The following LIMD1 variants were observed in gnomAD, a reference collection of about 807,000 sequenced individuals.
The protein encoded by LIMD1 is LIM domain containing 1.
In LIMD1, 23 loss-of-function variants were observed where a neutral mutation model predicts 58.4. That is an observed-to-expected ratio of 0.39 (90% CI 0.28 to 0.56). LIMD1 has a LOEUF of 0.56. Among genes scored for constraint, LIMD1 ranks in the 20% least tolerant of loss-of-function variants. LIMD1 has a pLI of 0.57. For missense variants in LIMD1, 838 were observed against 855.5 expected (o/e 0.98, Z 0.25); for synonymous variants, 334 against 345.5 (o/e 0.97, Z 0.37).
rs1697619695 is a variant in LIMD1 at position 45,673,374 on chromosome 3, A to T, written c.1773-80A>T. On this transcript the variant is annotated intron_variant, in intron 5 of 7. Coordinates refer to ENST00000273317, the MANE Select transcript of LIMD1 (RefSeq NM_014240.3). ...AGGAGGCGGCATGGAGGAAGGCTCC[A>T]TGTGGATTCCAAGTGCAAGTCTGAC... The T allele has an allele frequency of 3.7e-6, 4 of 1,094,642 alleles. No homozygotes were observed. In the South Asian group the frequency reaches 3.7e-5, roughly 10 times the overall value. The allele number at this position is 1,094,642 out of a possible 1,614,324, so 67.8% of individuals were successfully genotyped here. A position where few individuals can be genotyped will look rare whatever the true frequency, so the allele number is the denominator to read the frequency against.
At chr3:45,605,842 C>A (rs1701463248) in intron 1 of LIMD1, among the ~76,000 whole-genome samples, 1 of 152,198 alleles carries the variant, frequency 6.6e-6, no homozygotes, top group Admixed American at 6.5e-5. Flanking sequence ...TCTCCGTGGG[C>A]TCCTGTGGCG....
rs56711723 is a variant in LIMD1, at chr3:45,628,007, C to CAAAA, written c.1409-8134_1409-8131dup. ...TGGGTGACAGAGTGAGACCCCATCT[C>CAAAA]AAAAAAAAAAAAGAAAAAAGAATAT... On this transcript the variant is annotated intron_variant, in intron 1 of 7. Transcript: ENST00000273317. Among the ~76,000 whole-genome samples, 8 of 111,608 alleles carry CAAAA rather than the reference C, an allele frequency of 7.2e-5. 1 individual carries two copies. Among genetic ancestry groups the CAAAA allele is most frequent in the Admixed American group, 8.9e-5 (1 of 11,286 alleles). 73.2% of individuals were successfully genotyped at this position (111,608 alleles called of 152,430 possible).
At chr3:45,660,923 G>A (rs111921445) in intron 2 of LIMD1, among the ~76,000 whole-genome samples, 41 of 152,200 alleles carry the variant, frequency 2.7e-4, no homozygotes, top group African/African-American at 9.7e-4. Context: ...TTCCATGGCT[G>A]TCAAGGGGGT....
At chr3:45,649,804 A>G (rs1258379310) in intron 2 of LIMD1, among the ~76,000 whole-genome samples, 1 of 144,422 alleles carries the variant, frequency 6.9e-6, no homozygotes, top group Non-Finnish European at 1.5e-5. Flanking sequence ...TGCTGGATAT[A>G]GAATTCTAGC....
intron 1 of LIMD1, among the ~76,000 whole-genome samples, chr3:45,626,734 G>A (rs1381270505): frequency 1.3e-5 from 2 of 152,000 alleles, no homozygotes; most frequent in East Asian, 1.9e-4. Context: ...GTGGACTTCG[G>A]GTGATAATGA....
At chr3:45,672,102 CT>C (rs1168450497) in intron 4 of LIMD1, among the ~76,000 whole-genome samples, 1 of 152,212 alleles carries the variant, frequency 6.6e-6, no homozygotes, top group Non-Finnish European at 1.5e-5. Context: ...ACTTATTACA[CT>C]TGGATTTGAG....
intron 1 of LIMD1, among the ~76,000 whole-genome samples, chr3:45,624,657 A>G (rs899655442): frequency 2.0e-4 from 30 of 152,204 alleles, no homozygotes; most frequent in African/African-American, 6.8e-4. Flanking sequence ...CAGGAGGCGG[A>G]GCTTGCAGAG....
At chr3:45,622,403 G>A (rs1701636177) in intron 1 of LIMD1, among the ~76,000 whole-genome samples, 2 of 152,194 alleles carry the variant, frequency 1.3e-5, no homozygotes, top group Admixed American at 6.5e-5. Context: ...TATACACACT[G>A]TGACTTTTCC....
At chr3:45,613,873 G>A (rs1311592613) in intron 1 of LIMD1, among the ~76,000 whole-genome samples, 4 of 152,098 alleles carry the variant, frequency 2.6e-5, no homozygotes, top group African/African-American at 4.8e-5. Context: ...CTGGATCATG[G>A]AGTAGGTGTA....
At chr3:45,603,331 A>C (rs1198221071) in intron 1 of LIMD1, among the ~76,000 whole-genome samples, 1 of 152,198 alleles carries the variant, frequency 6.6e-6, no homozygotes, top group Admixed American at 6.5e-5. Context: ...CCCCAGAGGC[A>C]CTGGCTAACC....
chr3:45,640,412 G>GT (rs1432803866), intron 2 of LIMD1, among the ~76,000 whole-genome samples: 1 of 151,972 alleles, frequency 6.6e-6, no homozygotes, highest in Non-Finnish European at 1.5e-5. Flanking sequence ...CTTTCTTGTT[G>GT]TTTTTTGTTG....
intron 5 of LIMD1, among the ~76,000 whole-genome samples, 157 bp downstream of exon 5, chr3:45,672,977 G>A (rs767664698): frequency 2.2e-4 from 34 of 152,130 alleles, no homozygotes; most frequent in Admixed American, 2.2e-3. Flanking sequence ...CAGGGACCTT[G>A]GGAGGTTGGT....
At chr3:45,631,512 G>A (rs1233288301) in intron 1 of LIMD1, among the ~76,000 whole-genome samples, 1 of 152,128 alleles carries the variant, frequency 6.6e-6, no homozygotes, top group Non-Finnish European at 1.5e-5. Flanking sequence ...TTCAAACACA[G>A]GTGGCTTCCT....
At chr3:45,624,608 A>G (rs1701653141) in intron 1 of LIMD1, among the ~76,000 whole-genome samples, 1 of 152,202 alleles carries the variant, frequency 6.6e-6, no homozygotes, top group Non-Finnish European at 1.5e-5. Context: ...CTGTAGTCCC[A>G]GCTACTCAGG....
At chr3:45,663,868 A>ATTTTTTTTTTTTTTTTTTTTTTTTTTTT (rs553757543) in intron 2 of LIMD1, among the ~76,000 whole-genome samples, 6 of 102,844 alleles carry the variant, frequency 5.8e-5, no homozygotes, top group African/African-American at 2.6e-4. Flanking sequence ...TGCCTGGCTA[A>ATTTTTTTTTTTTTTTTTTTTTTTTTTTT]TTTTTTTTTT....
chr3:45,652,163 G>T (rs371394286), intron 2 of LIMD1, among the ~76,000 whole-genome samples: 1 of 151,872 alleles, frequency 6.6e-6, no homozygotes, highest in South Asian at 2.1e-4. Context: ...CTGTCCTCAA[G>T]TGATACGCCT....
chr3:45,641,448 ATC>A (rs1701841437), intron 2 of LIMD1, among the ~76,000 whole-genome samples: 1 of 150,828 alleles, frequency 6.6e-6, no homozygotes, highest in Non-Finnish European at 1.5e-5. Context: ...AATTATGAAA[ATC>A]TAGTTTAAAA....
Position 45,647,227 on chromosome 3 carries a change from C to A in LIMD1, c.1510+10976C>A, listed in dbSNP as rs572813369. ...TTCCACTTAGAAATATATCATATGC[C>A]TTTTCCCTCATTGCTTCATAGTCTT... On this transcript the variant is annotated intron_variant, in intron 2 of 7. Coordinates refer to ENST00000273317, the MANE Select transcript of LIMD1 (RefSeq NM_014240.3). Among the ~76,000 whole-genome samples, 6 of 152,284 alleles carry A rather than the reference C, an allele frequency of 3.9e-5. No individual in the cohort carries two copies. In the South Asian group the frequency reaches 1.2e-3, roughly 32 times the overall value.
intron 1 of LIMD1, among the ~76,000 whole-genome samples, chr3:45,596,601 G>C (rs1701358284): frequency 6.6e-6 from 1 of 152,102 alleles, no homozygotes; most frequent in Non-Finnish European, 1.5e-5. Context: ...TTTTGGGTGT[G>C]ACTTTAGAGC....
Sources: allele counts gnomAD v4.1 joint callset (sites outside exome capture counted in the v4.1 genomes callset), GRCh38; gene constraint gnomAD v4.1.1; transcripts MANE v1.5; gene names NCBI Gene and HGNC (gene_info 2026-07-23, HGNC 2026-07-21).